MARCHF1: variants seen among roughly 807,000 people sequenced by gnomAD.
The protein encoded by MARCHF1 is membrane associated ring-CH-type finger 1, also known as E3 ubiquitin-protein ligase MARCHF1.
Under a neutral mutation model 54.2 loss-of-function variants are expected in MARCHF1, and 40 were observed. The observed-to-expected ratio is 0.74, with a 90% CI of 0.57 to 0.96. MARCHF1 has a LOEUF of 0.96. Among genes scored for constraint, MARCHF1 ranks in the 40% least tolerant of loss-of-function variants. The pLI is 0.00. For missense variants in MARCHF1, 586 were observed against 656.5 expected (o/e 0.89, Z 1.17); for synonymous variants, 236 against 236.3 (o/e 1.00, Z 0.01).
At chr4:163,852,117 C>T (rs1389158593) in intron 4 of MARCHF1, among the ~76,000 whole-genome samples, 1 of 151,938 alleles carries the variant, frequency 6.6e-6, no homozygotes, top group South Asian at 2.1e-4. Context: ...AAGAAAATGT[C>T]ATCAAGAAAT....
At chr4:163,785,843 A>G (rs1344423173) in intron 4 of MARCHF1, among the ~76,000 whole-genome samples, 1 of 152,014 alleles carries the variant, frequency 6.6e-6, no homozygotes, top group African/African-American at 2.4e-5. Context: ...GCCTTTGCAC[A>G]TGTGATTAAA....
chr4:163,560,894 TTCTTAG>T (rs1438715196), intron 8 of MARCHF1, among the ~76,000 whole-genome samples: 2 of 152,180 alleles, frequency 1.3e-5, no homozygotes, highest in Admixed American at 6.5e-5. Flanking sequence ...CTAAATTCAC[TTCTTAG>T]TCTTAGTAGC....
At chr4:164,270,119 C>G (rs1042616384) in intron 1 of MARCHF1, among the ~76,000 whole-genome samples, 7 of 152,268 alleles carry the variant, frequency 4.6e-5, no homozygotes, top group Non-Finnish European at 8.8e-5. Flanking sequence ...CTGGTCTGGT[C>G]TGATCTTCTC....
chr4:164,204,129 T>C (rs200471340), intron 1 of MARCHF1, among the ~76,000 whole-genome samples: 1 of 152,186 alleles, frequency 6.6e-6, no homozygotes, highest in Admixed American at 6.5e-5. Context: ...TATGTTTCTC[T>C]GTCTAAGCAT....
chr4:164,340,817 C>G (rs1412235521), intron 1 of MARCHF1, among the ~76,000 whole-genome samples: 2 of 150,686 alleles, frequency 1.3e-5, no homozygotes, highest in African/African-American at 4.9e-5. Context: ...CTTGACTTCC[C>G]AAAGTACTAC....
In MARCHF1 at chr4:163,901,809, TCA is replaced by T. The variant is rs1560811467; in HGVS notation, c.-38-47642_-38-47641del. On this transcript the variant is annotated intron_variant, in intron 3 of 9. Transcript: ENST00000514618. ...CCTTTTATCCTATCTACTGAAGCAC[TCA>T]TTTCAGGAACTTCAGAACCAACAAC... Among the ~76,000 whole-genome samples the T allele has an allele frequency of 2.6e-5, 4 of 152,318 alleles. No homozygotes were observed. The East Asian group carries it at 7.7e-4, about 29-fold the overall frequency.
rs187250673 is a variant in MARCHF1 at position 163,787,690 on chromosome 4, A to C, written c.111+66331T>G. Among the ~76,000 whole-genome samples the C allele has an allele frequency of 2.6e-5, 4 of 152,118 alleles. No individual in the cohort carries two copies. In the East Asian group the frequency reaches 7.7e-4, roughly 29 times the overall value. On this transcript the variant is annotated intron_variant, in intron 4 of 9. Coordinates refer to ENST00000514618, the MANE Select transcript of MARCHF1 (RefSeq NM_001394959.1). ...GAGTCCCTTAAAAATATTAAAACAG[A>C]AAATTACTATATGATCCAGCAATCC... is the stretch of plus-strand genomic sequence containing the variant.
chr4:164,179,535 T>A (rs1385928154), intron 1 of MARCHF1, among the ~76,000 whole-genome samples: 1 of 152,118 alleles, frequency 6.6e-6, no homozygotes, highest in Non-Finnish European at 1.5e-5. Flanking sequence ...GAAAATACAA[T>A]TTGCCTAATT....
At chr4:163,967,938 G>A (rs1444279859) in intron 3 of MARCHF1, among the ~76,000 whole-genome samples, 7 of 152,090 alleles carry the variant, frequency 4.6e-5, no homozygotes, top group Non-Finnish European at 1.0e-4. Context: ...CATTATGAGT[G>A]CAATCTGCTT....
intron 1 of MARCHF1, among the ~76,000 whole-genome samples, chr4:164,248,078 C>T (rs1733009989): frequency 2.0e-5 from 3 of 151,828 alleles, no homozygotes; most frequent in Admixed American, 1.3e-4. Context: ...TATTTTCTTA[C>T]AACCACACAC....
At chr4:163,815,249 AATGTGC>A (rs954842455) in intron 4 of MARCHF1, among the ~76,000 whole-genome samples, 87 of 152,348 alleles carry the variant, frequency 5.7e-4, no homozygotes, top group African/African-American at 1.9e-3. Flanking sequence ...AGTGATAATC[AATGTGC>A]ATACTATAAA....
At chr4:164,356,961 C>G (rs909041288) in intron 1 of MARCHF1, among the ~76,000 whole-genome samples, 1 of 151,368 alleles carries the variant, frequency 6.6e-6, no homozygotes, top group Non-Finnish European at 1.5e-5. Context: ...TGTCTGGGCC[C>G]CAGTGGGTGG....
At chr4:163,726,739 C>G (rs185902855) in intron 4 of MARCHF1, among the ~76,000 whole-genome samples, 1 of 152,142 alleles carries the variant, frequency 6.6e-6, no homozygotes, top group Non-Finnish European at 1.5e-5. Flanking sequence ...AATGAGTGTT[C>G]CTGTTACTCT....
intron 3 of MARCHF1, among the ~76,000 whole-genome samples, chr4:163,865,202 G>T (rs1221846290): frequency 6.6e-6 from 1 of 151,848 alleles, no homozygotes; most frequent in Non-Finnish European, 1.5e-5. Context: ...TATAAGAAGG[G>T]TAAAGAAAAG....
intron 9 of MARCHF1, among the ~76,000 whole-genome samples, chr4:163,531,275 T>TA (rs1560925580): frequency 1.3e-5 from 2 of 151,994 alleles, no homozygotes; most frequent in African/African-American, 4.8e-5. Flanking sequence ...TAAAAACAGT[T>TA]ACACACTACA....
At chr4:164,076,491 G>T (rs1235043371) in intron 2 of MARCHF1, among the ~76,000 whole-genome samples, 1 of 152,172 alleles carries the variant, frequency 6.6e-6, no homozygotes, top group Non-Finnish European at 1.5e-5. Flanking sequence ...AGACAAGGAT[G>T]CCCTCTCTCA....
chr4:163,538,776 C>T (rs1227977215), intron 9 of MARCHF1, among the ~76,000 whole-genome samples: 1 of 124,356 alleles, frequency 8.0e-6, no homozygotes, highest in Non-Finnish European at 1.9e-5. Context: ...TAAGCCTGTT[C>T]TGTTATTTTC....
At chr4:164,292,949 C>T (rs1734319690) in intron 1 of MARCHF1, among the ~76,000 whole-genome samples, 1 of 152,100 alleles carries the variant, frequency 6.6e-6, no homozygotes, top group African/African-American at 2.4e-5. Context: ...ATACTATATA[C>T]TACTTCCTTC....
Position 163,613,796 on chromosome 4 carries a change from C to G in MARCHF1, c.163-403G>C, listed in dbSNP as rs111841614. The stretch of plus-strand genomic sequence containing the variant: ...TAATAGTCTGAGAAGTCTAATCAAA[C>G]AGCCATTAGGTTGCTAGATACTTCC... On this transcript the variant is annotated intron_variant, in intron 5 of 9. Transcript: ENST00000514618. Among the ~76,000 whole-genome samples, 1,031 of 152,218 alleles carry G rather than the reference C, an allele frequency of 6.8e-3. 10 individuals are homozygous for G. Among genetic ancestry groups the G allele is most frequent in the South Asian group, 0.03 (143 of 4,826 alleles).
Sources: gnomAD v4.1 joint callset for allele counts (sites outside exome capture counted in the v4.1 genomes callset) on GRCh38, gnomAD v4.1.1 for gene constraint, MANE v1.5 for transcripts, NCBI Gene and HGNC (gene_info 2026-07-23, HGNC 2026-07-21) for gene names.